ZNF90: variants seen among roughly 807,000 people sequenced by gnomAD.
The protein encoded by ZNF90 is zinc finger protein 90, also known as zinc finger protein HTF9.
Under a neutral mutation model 12.0 loss-of-function variants are expected in ZNF90, and 11 were observed. The ratio of observed to expected loss-of-function variants is 0.92; its 90% CI spans 0.58 to 1.52. The LOEUF (loss-of-function observed/expected upper bound fraction) is 1.52. ZNF90 is among the 40% of genes most tolerant of loss of function. ZNF90 has a pLI of 0.00. For synonymous variants in ZNF90, 232 were observed against 240.1 expected, an observed-to-expected ratio of 0.97 and a Z score of 0.31; for missense variants, 765 against 711.5, an observed-to-expected ratio of 1.08 and a Z score of -0.86.
chr19:20,093,360 A>G (rs2088917480), intron 1 of ZNF90, among the ~76,000 whole-genome samples: 1 of 151,940 alleles, frequency 6.6e-6, no homozygotes, highest in African/African-American at 2.4e-5. Flanking sequence ...TGTGGGATGG[A>G]ATATTGGTGT....
At position 20,106,930 on chromosome 19, in the gene ZNF90, C is replaced by T. The variant is rs1306609824; in HGVS notation, c.226+1614C>T. The T allele has an allele frequency of 6.6e-6, 3 of 454,438 alleles. No individual in the cohort carries two copies. The Admixed American group carries it at 7.0e-5, about 11-fold the overall frequency. 28.2% of individuals were successfully genotyped at this position (454,438 alleles called of 1,614,324 possible). A position where few individuals can be genotyped will look rare whatever the true frequency, so the allele number is the denominator to read the frequency against. ...CAGGGGCTTGGGTTGTTGTAATTCT[C>T]ATTTTATTTTTGGACAGGCTGAATA... On this transcript the variant is annotated intron_variant, in intron 3 of 3. Transcript: ENST00000418063.
chr19:20,100,858 AAAC>A (rs2088983772), intron 1 of ZNF90, among the ~76,000 whole-genome samples: 1 of 152,170 alleles, frequency 6.6e-6, no homozygotes. Context: ...ATTAGACTAA[AAAC>A]AAGAGGTAAA....
At chr19:20,112,133 A>C (rs2089094976) in intron 3 of ZNF90, among the ~76,000 whole-genome samples, 1 of 152,142 alleles carries the variant, frequency 6.6e-6, no homozygotes, top group Non-Finnish European at 1.5e-5. Flanking sequence ...CTGGGATTAC[A>C]GGCATGAGCC....
intron 3 of ZNF90, among the ~76,000 whole-genome samples, chr19:20,107,538 T>A (rs2122512109): frequency 6.6e-6 from 1 of 152,350 alleles, no homozygotes; most frequent in South Asian, 2.1e-4. Context: ...CTCAAAATCC[T>A]GGCCTGAAGC....
intron 1 of ZNF90, among the ~76,000 whole-genome samples, chr19:20,082,574 G>GTCAT (rs1340996430): frequency 6.6e-6 from 1 of 152,186 alleles, no homozygotes. Flanking sequence ...AAGGCAGCAT[G>GTCAT]CTTGTTAAAA....
chr19:20,091,356 A>G (rs1449889214), intron 1 of ZNF90, among the ~76,000 whole-genome samples: 1 of 152,162 alleles, frequency 6.6e-6, no homozygotes, highest in Non-Finnish European at 1.5e-5. Context: ...AGAGGTTCTA[A>G]GAGACGGTCT....
intron 1 of ZNF90, among the ~76,000 whole-genome samples, chr19:20,085,212 C>A (rs2088849031): frequency 6.6e-6 from 1 of 151,424 alleles, no homozygotes; most frequent in South Asian, 2.1e-4. Context: ...TGTCAGAAAT[C>A]TGATGGCGGT....
intron 1 of ZNF90, chr19:20,087,138 C>T (rs868918767): frequency 3.4e-4 from 51 of 151,392 alleles, no homozygotes; most frequent in African/African-American, 1.1e-3. Context: ...GATCTGCCTC[C>T]TTCATAATGC....
At chr19:20,109,720 AAATT>A (rs1310021023) in intron 3 of ZNF90, among the ~76,000 whole-genome samples, 1 of 152,030 alleles carries the variant, frequency 6.6e-6, no homozygotes. Context: ...AAAAAAAAAA[AAATT>A]AATAATAGCC....
intron 1 of ZNF90, among the ~76,000 whole-genome samples, chr19:20,082,016 G>A (rs560701824): frequency 3.3e-5 from 5 of 151,952 alleles, no homozygotes; most frequent in African/African-American, 9.6e-5. Flanking sequence ...CACCCGCCTC[G>A]GCCTCCTAAA....
chr19:20,119,968 A>C lies in ZNF90; in HGVS notation c.*608A>C, dbSNP rs2089182072. ...ACTTGAAAGATGTGACAGTGCTTTT[A>C]CCACCACCTCCAACTTTTCTGTACA... On this transcript the variant is annotated 3_prime_UTR_variant, in exon 4 of 4. Transcript: ENST00000418063. Among the ~76,000 whole-genome samples the C allele has an allele frequency of 6.6e-6, 1 of 152,192 alleles. No homozygotes were observed. Among genetic ancestry groups the C allele is most frequent in the Admixed American group, 6.5e-5 (1 of 15,280 alleles).
chr19:20,083,558 C>T (rs1048799178), intron 1 of ZNF90, among the ~76,000 whole-genome samples: 1 of 152,060 alleles, frequency 6.6e-6, no homozygotes, highest in Non-Finnish European at 1.5e-5. Flanking sequence ...AGCTCCCGAC[C>T]TCAGGTGATT....
At chr19:20,104,399 AC>A (rs1568288391) in intron 2 of ZNF90, 34 bp downstream of exon 2, 1 of 1,561,824 alleles carries the variant, frequency 6.4e-7, no homozygotes, top group East Asian at 2.3e-5. Context: ...TTCATAATAT[AC>A]CCTAAAGGTT....
chr19:20,121,040 A>C lies in ZNF90; in HGVS notation c.*1680A>C, dbSNP rs948852497. ...TTTGACCTATATTAAGTAATGTATAAGGTAGTGTTCAGAGTAATACTTTTC... is the reference window on the plus strand; with the variant it reads ...TTTGACCTATATTAAGTAATGTATACGGTAGTGTTCAGAGTAATACTTTTC... On this transcript the variant is annotated 3_prime_UTR_variant, in exon 4 of 4. Transcript: ENST00000418063. The C allele has an allele frequency of 6.2e-6, 1 of 160,744 alleles. No homozygotes were observed. Among genetic ancestry groups the C allele is most frequent in the African/African-American group, 2.4e-5 (1 of 41,616 alleles). 10.0% of individuals were successfully genotyped at this position (160,744 alleles called of 1,614,324 possible).
chr19:20,094,856 G>T (rs1555703081), intron 1 of ZNF90, among the ~76,000 whole-genome samples: 1 of 152,118 alleles, frequency 6.6e-6, no homozygotes, highest in East Asian at 1.9e-4. Context: ...TAGAGAAAAA[G>T]GTACATGTAC....
In ZNF90 at chr19:20,104,126, C is replaced by G. The variant is rs73927028; in HGVS notation, c.4-113C>G. ...TGTTTTATTGGATAATTTAGTGAGT[C>G]TTGTAAGTCAGAACCAATTCTCTTT... On this transcript the variant is annotated intron_variant, in intron 1 of 3. Coordinates refer to ENST00000418063, the MANE Select transcript of ZNF90 (RefSeq NM_007138.2). 2.5e-3 allele frequency: 3,705 copies of G among 1,470,912 alleles called. 84 individuals carry two copies. The African/African-American group carries it at 0.047, about 19-fold the overall frequency. 91.1% of individuals were successfully genotyped at this position (1,470,912 alleles called of 1,614,324 possible).
chr19:20,106,542 C>A (rs1240331120), intron 3 of ZNF90, among the ~76,000 whole-genome samples: 1 of 152,222 alleles, frequency 6.6e-6, no homozygotes, highest in Non-Finnish European at 1.5e-5. Context: ...CAAGCTCCGC[C>A]TCCCAGGTTC....
intron 1 of ZNF90, among the ~76,000 whole-genome samples, chr19:20,099,581 G>T (rs1214647839): frequency 2.0e-5 from 3 of 152,066 alleles, no homozygotes; most frequent in African/African-American, 7.2e-5. Flanking sequence ...CTTTTGTCTT[G>T]GACAACTGTC....
At chr19:20,082,025 A>C (rs1447453766) in intron 1 of ZNF90, among the ~76,000 whole-genome samples, 1 of 151,334 alleles carries the variant, frequency 6.6e-6, no homozygotes, top group Admixed American at 6.6e-5. Flanking sequence ...CGGCCTCCTA[A>C]AGTGCTGGGA....
Sources: allele counts gnomAD v4.1 joint callset (sites outside exome capture counted in the v4.1 genomes callset), GRCh38; gene constraint gnomAD v4.1.1; transcripts MANE v1.5; gene names NCBI Gene and HGNC (gene_info 2026-07-23, HGNC 2026-07-21).